The following KIF21A variants were observed in gnomAD, a reference collection of about 807,000 sequenced individuals.
KIF21A encodes kinesin family member 21A, also known as kinesin-like protein KIF21A.
Under a neutral mutation model 202.9 loss-of-function variants are expected in KIF21A, and 114 were observed. That is an observed-to-expected ratio of 0.56 (90% CI 0.48 to 0.66). The LOEUF (loss-of-function observed/expected upper bound fraction) is 0.66, where lower values mean the gene tolerates loss of function less well. Among genes scored for constraint, KIF21A ranks in the 30% least tolerant of loss-of-function variants. The pLI is 0.00. For synonymous variants in KIF21A, 667 were observed against 670.8 expected, an observed-to-expected ratio of 0.99 and a Z score of 0.09; for missense variants, 1,677 against 1,994.9, an observed-to-expected ratio of 0.84 and a Z score of 3.04.
At chr12:39,435,029 T>C (rs1421206917) in intron 1 of KIF21A, among the ~76,000 whole-genome samples, 1 of 152,220 alleles carries the variant, frequency 6.6e-6, no homozygotes. Context: ...ATAATTCAAA[T>C]CCAGTCTCAA....
intron 1 of KIF21A, among the ~76,000 whole-genome samples, chr12:39,410,342 A>G (rs1952985012): frequency 6.6e-6 from 1 of 152,246 alleles, no homozygotes; most frequent in South Asian, 2.1e-4. Flanking sequence ...ACTTGTTACA[A>G]CAACAGTAGG....
In KIF21A at chr12:39,357,873, C is replaced by T. The variant is rs549457058; in HGVS notation, c.1215+305G>A. ...GCAGTGAGCCGAGATCACGCCACTG[C>T]ACTCCAGCGTGGGTGATAGAGGGAG... On this transcript the variant is annotated intron_variant, in intron 8 of 37. Coordinates refer to ENST00000361418, the MANE Select transcript of KIF21A (RefSeq NM_001173464.2). Among the ~76,000 whole-genome samples the T allele has an allele frequency of 4.9e-5, 6 of 122,460 alleles. No individual in the cohort carries two copies. In the East Asian group the frequency reaches 1.4e-3, roughly 29 times the overall value. The allele number at this position is 122,460 out of a possible 152,430, so 80.3% of individuals were successfully genotyped here.
At chr12:39,424,982 G>A (rs992382086) in intron 1 of KIF21A, among the ~76,000 whole-genome samples, 2 of 151,714 alleles carry the variant, frequency 1.3e-5, no homozygotes, top group East Asian at 1.9e-4. Flanking sequence ...CTACCTCTCC[G>A]ATCTTACCTA....
intron 17 of KIF21A, among the ~76,000 whole-genome samples, chr12:39,336,196 T>C (rs1946952864): frequency 1.3e-5 from 2 of 151,972 alleles, no homozygotes; most frequent in Non-Finnish European, 2.9e-5. Context: ...CTGGCTGGGA[T>C]TACAAGCATG....
chr12:39,302,884 T>C lies in KIF21A; in HGVS notation c.4731+81A>G, dbSNP rs977810640. 2.7e-5 allele frequency: 32 copies of C among 1,174,750 alleles called. No homozygotes were observed. The African/African-American group carries it at 3.2e-4, about 12-fold the overall frequency. 72.8% of individuals were successfully genotyped at this position (1,174,750 alleles called of 1,614,324 possible). On this transcript the variant is annotated intron_variant, in intron 36 of 37. Transcript: ENST00000361418. ...TATCTGTAAATGATAAAAATCTACA[T>C]AGAAGCTCTTCAAGTTCTTCTACAG...
At chr12:39,319,028 C>G (rs1271264699) in intron 28 of KIF21A, among the ~76,000 whole-genome samples, 2 of 151,486 alleles carry the variant, frequency 1.3e-5, no homozygotes, top group African/African-American at 4.8e-5. Context: ...GTCAGCTAAA[C>G]CCATGGTCAA....
At chr12:39,369,992 A>G (rs1230265601) in intron 2 of KIF21A, 47 bp downstream of exon 2, 5 of 1,591,218 alleles carry the variant, frequency 3.1e-6, no homozygotes, top group Non-Finnish European at 3.4e-6. Flanking sequence ...AACTGAATTA[A>G]CATTTCTGAA....
At chr12:39,411,038 C>A (rs1378609624) in intron 1 of KIF21A, among the ~76,000 whole-genome samples, 1 of 152,178 alleles carries the variant, frequency 6.6e-6, no homozygotes, top group Non-Finnish European at 1.5e-5. Flanking sequence ...TCCACCAATT[C>A]CTGCCTCTCT....
chr12:39,337,125 G>A lies in KIF21A; in HGVS notation c.2389C>T (p.Gln797Ter). ...CTTTTACGTTGATCCTTTTTCAACT[G>A]AGCAATCTCTCTGTTTCTTCTAGAC... ...TESRRNREIA[Q>*]LKKDQRKRDH... The change falls in exon 17 of 38, where the codon CAG becomes TAG. Residue 797 changes from glutamine (Q) to a stop codon, truncating the protein, a stop_gained. Coordinates refer to ENST00000361418, the MANE Select transcript of KIF21A (RefSeq NM_001173464.2). LOFTEE classifies it high-confidence loss of function. 1.2e-6 allele frequency: 2 copies of A among 1,610,230 alleles called. No individual in the cohort carries two copies. The highest frequency in any genetic ancestry group is 1.7e-6 in the Non-Finnish European group (2 of 1,177,684).
intron 27 of KIF21A, 136 bp downstream of exon 27, chr12:39,322,532 A>C (rs1945391455): frequency 3.0e-6 from 2 of 666,082 alleles, no homozygotes; most frequent in Non-Finnish European, 5.0e-6. Context: ...GGGAGACAAC[A>C]CCTAGCAAAT....
intron 37 of KIF21A, among the ~76,000 whole-genome samples, chr12:39,298,830 G>T (rs1188607557): frequency 1.3e-5 from 2 of 152,072 alleles, no homozygotes; most frequent in Non-Finnish European, 1.5e-5. Flanking sequence ...CAGGTATGAT[G>T]AAATTATCTA....
chr12:39,325,890 C>A lies in KIF21A; in HGVS notation c.3405G>T (p.Thr1135=), dbSNP rs754591024. 1 of 1,609,442 alleles carries A rather than the reference C, an allele frequency of 6.2e-7. No homozygotes were observed. The highest frequency in any genetic ancestry group is 8.5e-7 in the Non-Finnish European group (1 of 1,176,620). ...PLNSPGSEGS[T]LSSDLMKLCG... is the part of the protein sequence containing the mutation. ...AAAGCTTCATGAGATCTGAAGACAG[C>A]GTGCTATGTGCAAATAAATAATTAA... is the stretch of plus-strand genomic sequence containing the variant. The change falls in exon 26 of 38, where the codon ACG becomes ACT. Residue 1135 remains threonine, a synonymous_variant. Transcript: ENST00000361418.
intron 1 of KIF21A, among the ~76,000 whole-genome samples, chr12:39,379,725 C>G (rs1289257560): frequency 6.6e-6 from 1 of 152,106 alleles, no homozygotes; most frequent in Non-Finnish European, 1.5e-5. Flanking sequence ...TTGGTGGGCT[C>G]TGTCCCTCTC....
intron 1 of KIF21A, among the ~76,000 whole-genome samples, chr12:39,426,326 CACGCATGTAT>C (rs1954746307): frequency 6.6e-6 from 1 of 152,166 alleles, no homozygotes; most frequent in Admixed American, 6.5e-5. Context: ...CACACATGTA[CACGCATGTAT>C]GCGTGTACTC....
intron 8 of KIF21A, 151 bp downstream of exon 8, chr12:39,358,027 A>T: frequency 2.8e-6 from 2 of 710,826 alleles, no homozygotes; most frequent in Non-Finnish European, 2.5e-6. Context: ...GTCCACAAGG[A>T]AAACTAGAGA....
intron 1 of KIF21A, among the ~76,000 whole-genome samples, chr12:39,436,444 ATATATTT>A (rs1426427034): frequency 8.8e-6 from 1 of 113,584 alleles, no homozygotes; most frequent in African/African-American, 3.9e-5. Context: ...ATATATATAT[ATATATTT>A]TTTTTTTTTT....
intron 35 of KIF21A, among the ~76,000 whole-genome samples, chr12:39,304,539 C>A (rs1007532170): frequency 6.6e-6 from 1 of 152,052 alleles, no homozygotes; most frequent in African/African-American, 2.4e-5. Flanking sequence ...ATAATATTTT[C>A]GGGATAAAAG....
Position 39,319,906 on chromosome 12 carries a change from T to C in KIF21A, c.3779A>G (p.His1260Arg). The C allele has an allele frequency of 6.3e-7, 1 of 1,574,802 alleles. No individual in the cohort carries two copies. Reference sequence around the variant, plus strand: ...CAGGTAAAAAACATTAGTCACTTACTGCTTTTGTTCCTTGGCCTTTGATTT... The same window carrying C: ...CAGGTAAAAAACATTAGTCACTTACCGCTTTTGTTCCTTGGCCTTTGATTT... ...AEKSKAKEQK[H>R]SDSGTSEASL... The change falls in exon 28 of 38, where the codon CAC becomes CGC. Residue 1260 changes from histidine (H) to arginine (R), a missense_variant and splice_region_variant. By Grantham distance (29) the His-to-Arg change is conservative. Around this residue, in one of 3 missense-constraint regions of KIF21A, gnomAD observed 705 missense variants for 791.9 expected, o/e 0.89. Coordinates refer to ENST00000361418, the MANE Select transcript of KIF21A (RefSeq NM_001173464.2).
rs1408871957 is a variant in KIF21A, at chr12:39,436,423, TA to T, written c.44+6503del. On this transcript the variant is annotated intron_variant, in intron 1 of 37. Coordinates refer to ENST00000361418, the MANE Select transcript of KIF21A (RefSeq NM_001173464.2). Reference sequence around the variant, plus strand: ...CAATAATTATAAGGGTTTACTATATTATATATATATATATATATATATATAT... The same window carrying T: ...CAATAATTATAAGGGTTTACTATATTTATATATATATATATATATATATAT... 1.9e-3 allele frequency among the ~76,000 whole-genome samples: 115 copies of T among 61,954 alleles called. 2 individuals are homozygous for T. Among genetic ancestry groups the T allele is most frequent in the African/African-American group, 6.8e-3 (75 of 10,976 alleles). 40.6% of individuals were successfully genotyped at this position (61,954 alleles called of 152,430 possible). A position where few individuals can be genotyped will look rare whatever the true frequency, so the allele number is the denominator to read the frequency against.
Sources: gnomAD v4.1 joint callset for allele counts (sites outside exome capture counted in the v4.1 genomes callset) on GRCh38, gnomAD v4.1.1 for gene constraint, gnomAD v4.1.1 regional missense constraint, MANE v1.5 for transcripts, NCBI Gene and HGNC (gene_info 2026-07-23, HGNC 2026-07-21) for gene names.